GPD2: variants seen among roughly 807,000 people sequenced by gnomAD.
GPD2 encodes the protein glycerol-3-phosphate dehydrogenase, mitochondrial.
Under a neutral mutation model 82.4 loss-of-function variants are expected in GPD2, and 54 were observed. The ratio of observed to expected loss-of-function variants is 0.66; its 90% CI spans 0.53 to 0.82. The LOEUF is 0.82. Ranked by LOEUF, GPD2 falls within the 40% of genes least tolerant of loss-of-function variation. The pLI is 0.00. For missense variants in GPD2, 748 were observed against 896.2 expected, an observed-to-expected ratio of 0.83 and a Z score of 2.11; for synonymous variants, 288 against 306.1, an observed-to-expected ratio of 0.94 and a Z score of 0.62.
At chr2:156,529,845 T>C (rs1477341172) in intron 6 of GPD2, among the ~76,000 whole-genome samples, 1 of 152,260 alleles carries the variant, frequency 6.6e-6, no homozygotes, top group African/African-American at 2.4e-5. Flanking sequence ...ACTGTAGCCT[T>C]GTAGTATAGT....
At chr2:156,512,424 T>A in intron 5 of GPD2, 107 bp downstream of exon 5, 1 of 750,932 alleles carries the variant, frequency 1.3e-6, no homozygotes, top group Non-Finnish European at 2.5e-6. Flanking sequence ...GTGGTTTTAA[T>A]TGGTCCTAAT....
At chr2:156,421,945 G>A in the GPD2 span, among the ~76,000 whole-genome samples, 1 of 152,186 alleles carries the variant, frequency 6.6e-6, no homozygotes, top group Non-Finnish European at 1.5e-5. Context: ...GGGCAACATA[G>A]TGAGAACCCA....
intron 1 of GPD2, among the ~76,000 whole-genome samples, chr2:156,439,623 G>T (rs577656582): frequency 1.6e-3 from 242 of 147,834 alleles, no homozygotes; most frequent in African/African-American, 5.1e-3. Context: ...TAGGCAGGCG[G>T]ATCACCTGAG....
the GPD2 span, among the ~76,000 whole-genome samples, chr2:156,426,870 AG>A: frequency 6.6e-6 from 1 of 152,356 alleles, no homozygotes; most frequent in South Asian, 2.1e-4. Flanking sequence ...GTGGCAGTCA[AG>A]GGTTTTTGTT....
chr2:156,510,949 A>G (rs1684974898), intron 4 of GPD2, 29 bp downstream of exon 4: 1 of 1,607,936 alleles, frequency 6.2e-7, no homozygotes, highest in East Asian at 2.2e-5. Context: ...TGTTAAACAA[A>G]AATTGCAACT....
chr2:156,568,903 C>G lies in GPD2; in HGVS notation c.1244C>G (p.Ser415Cys), dbSNP rs371946081. The G allele has an allele frequency of 6.2e-7, 1 of 1,611,254 alleles. No homozygotes were observed. Among genetic ancestry groups the G allele is most frequent in the African/African-American group, 1.3e-5 (1 of 74,904 alleles). ...GACCCCAAATCTGCAGATACTCAGT[C>G]TATCTCCCGAAATCATGTTGTTGAT... ...VTDPKSADTQ[S>C]ISRNHVVDIS... The change falls in exon 10 of 17, where the codon TCT (serine) becomes TGT (cysteine). Residue 415 changes from serine to cysteine, a missense_variant. By Grantham distance (112) the Ser-to-Cys change is moderately radical. Transcript: ENST00000438166.
chr2:156,562,367 T>C (rs927384267), intron 9 of GPD2, among the ~76,000 whole-genome samples: 1 of 152,230 alleles, frequency 6.6e-6, no homozygotes, highest in Non-Finnish European at 1.5e-5. Flanking sequence ...GTCTTCCAGC[T>C]GTTTAATTAT....
the GPD2 span, among the ~76,000 whole-genome samples, chr2:156,404,586 A>G: frequency 6.6e-6 from 1 of 150,740 alleles, no homozygotes; most frequent in Non-Finnish European, 1.5e-5. Context: ...CACCCCTATA[A>G]TCCCAGCACT....
chr2:156,433,144 C>T (rs1212693042), upstream of GPD2, among the ~76,000 whole-genome samples: 1 of 152,104 alleles, frequency 6.6e-6, no homozygotes, highest in South Asian at 2.1e-4. Flanking sequence ...CATTCCTGGG[C>T]GTAGGCTGAA....
intron 2 of GPD2, among the ~76,000 whole-genome samples, chr2:156,492,147 CTT>C (rs770947790): frequency 0.013 from 963 of 75,278 alleles, 1 homozygote; most frequent in Non-Finnish European, 0.019. Flanking sequence ...CCCTCCCTAC[CTT>C]TTTTTTTTTT....
chr2:156,523,670 CTAGATAGA>C (rs3086039), intron 6 of GPD2, among the ~76,000 whole-genome samples: 4,932 of 146,660 alleles, frequency 0.034, 97 homozygotes, highest in Middle Eastern at 0.056. Context: ...AATTTCTTTT[CTAGATAGA>C]TAGATAGATA....
intron 2 of GPD2, among the ~76,000 whole-genome samples, chr2:156,476,780 G>A (rs1404297280): frequency 6.6e-6 from 1 of 152,060 alleles, no homozygotes; most frequent in Non-Finnish European, 1.5e-5. Flanking sequence ...CCTTACAACT[G>A]TGACTTCCCA....
chr2:156,512,684 A>T (rs972946778), intron 5 of GPD2, among the ~76,000 whole-genome samples: 4 of 152,222 alleles, frequency 2.6e-5, no homozygotes, highest in African/African-American at 9.7e-5. Flanking sequence ...AAATGTAAAC[A>T]TACCACATAC....
At chr2:156,522,251 T>C (rs1317478200) in intron 6 of GPD2, among the ~76,000 whole-genome samples, 1 of 152,196 alleles carries the variant, frequency 6.6e-6, no homozygotes, top group Non-Finnish European at 1.5e-5. Context: ...TTCATTCTCT[T>C]ATAATTTGCT....
At chr2:156,547,043 C>T (rs1558954041) in intron 6 of GPD2, among the ~76,000 whole-genome samples, 1 of 152,104 alleles carries the variant, frequency 6.6e-6, no homozygotes, top group African/African-American at 2.4e-5. Context: ...TCTCTTGAGA[C>T]GTGGGAATTG....
At chr2:156,441,518 C>T (rs1446805122) in intron 1 of GPD2, among the ~76,000 whole-genome samples, 1 of 152,064 alleles carries the variant, frequency 6.6e-6, no homozygotes, top group African/African-American at 2.4e-5. Flanking sequence ...GCGTTAGTGC[C>T]ACTACGCTCC....
intron 2 of GPD2, among the ~76,000 whole-genome samples, chr2:156,489,843 TC>T (rs1249743244): frequency 0.056 from 59 of 1,048 alleles, 1 homozygote; most frequent in African/African-American, 0.2. Context: ...TCCCCTCCCC[TC>T]CCTTCCTTCT....
the GPD2 span, among the ~76,000 whole-genome samples, chr2:156,405,411 T>G: frequency 6.6e-6 from 1 of 152,040 alleles, no homozygotes; most frequent in African/African-American, 2.4e-5. Flanking sequence ...AATGCAAAAA[T>G]GTGGAAATGG....
At chr2:156,430,067 T>C in the GPD2 span, among the ~76,000 whole-genome samples, 9 of 152,232 alleles carry the variant, frequency 5.9e-5, no homozygotes, top group Non-Finnish European at 1.2e-4. Flanking sequence ...TTCTAATTCA[T>C]GTAAACTACC....
Sources: allele counts gnomAD v4.1 joint callset (sites outside exome capture counted in the v4.1 genomes callset), GRCh38; gene constraint gnomAD v4.1.1; transcripts MANE v1.5; gene names NCBI Gene and HGNC (gene_info 2026-07-23, HGNC 2026-07-21).